ADGRV1: variants seen among roughly 807,000 people sequenced by gnomAD.
ADGRV1 encodes the protein adhesion G protein-coupled receptor V1.
ADGRV1 carries 359 observed loss-of-function variants against 596.2 expected under a neutral mutation model. The ratio of observed to expected loss-of-function variants is 0.60; its 90% CI spans 0.55 to 0.66. The LOEUF is 0.66. Among genes scored for constraint, ADGRV1 ranks in the 30% least tolerant of loss-of-function variants. The probability of loss-of-function intolerance (pLI) is 0.00; values close to 1 mark genes in which losing one functional copy is unlikely to be tolerated. For missense variants in ADGRV1, 7,274 were observed against 7,575.6 expected (o/e 0.96, Z 1.48); for synonymous variants, 2,681 against 2,679.2 (o/e 1.00, Z -0.02).
intron 78 of ADGRV1, among the ~76,000 whole-genome samples, chr5:90,847,904 C>T (rs2150385500): frequency 6.6e-6 from 1 of 152,308 alleles, no homozygotes; most frequent in East Asian, 1.9e-4. Context: ...AAAGGGGCTC[C>T]CACAGTGCAG....
At position 90,810,809 on chromosome 5, in the gene ADGRV1, T is replaced by C; in HGVS notation, c.15549T>C (p.Thr5183=). The part of the protein sequence containing the change: ...TNVVAIVTEA[T]GVSAIPEKLV... ...TGGTTGCCATTGTTACTGAGGCAAC[T>C]GGTGTATCTGCCATCCCTGAGAAAC... The change falls in exon 74 of 90, where the codon ACT becomes ACC. Residue 5183 remains threonine (T), a synonymous_variant. Transcript: ENST00000405460. 2 of 1,614,036 alleles carry C rather than the reference T, an allele frequency of 1.2e-6. No individual in the cohort carries two copies. The highest frequency in any genetic ancestry group is 2.2e-5 in the South Asian group (2 of 91,084).
intron 26 of ADGRV1, among the ~76,000 whole-genome samples, chr5:90,680,346 C>T (rs1027919342): frequency 2.7e-5 from 4 of 147,312 alleles, no homozygotes; most frequent in African/African-American, 1.0e-4. Context: ...CAGAGCAAGA[C>T]TCTGTATCAA....
At chr5:90,848,526 T>A (rs1766144020) in intron 78 of ADGRV1, 111 bp from the exon 79 acceptor site, 1 of 466,086 alleles carries the variant, frequency 2.1e-6, no homozygotes, top group South Asian at 9.3e-5. Flanking sequence ...AGGTTTATCC[T>A]TACTAATGTT....
rs1179018302 is a variant in ADGRV1 at position 90,960,148 on chromosome 5, A to AC, written c.17857-5267_17857-5266insC. Reference sequence around the variant, plus strand: ...ACCGAGACTCATCTCAAAAAAAAAAAAAAAACAAAAAACAGATCAGTGTAT... The same window carrying AC: ...ACCGAGACTCATCTCAAAAAAAAAAACAAAAACAAAAAACAGATCAGTGTAT... On this transcript the variant is annotated intron_variant, in intron 83 of 89. Transcript: ENST00000405460. 9.9e-3 allele frequency among the ~76,000 whole-genome samples: 1,380 copies of AC among 139,638 alleles called. 34 individuals are homozygous for AC. The highest frequency in any genetic ancestry group is 0.038 in the African/African-American group (1,332 of 34,816). 91.6% of individuals were successfully genotyped at this position (139,638 alleles called of 152,430 possible).
At chr5:90,704,926 T>C (rs189766270) in intron 36 of ADGRV1, among the ~76,000 whole-genome samples, 1 of 152,056 alleles carries the variant, frequency 6.6e-6, no homozygotes, top group African/African-American at 2.4e-5. Context: ...TTCTCCTGCC[T>C]CAGTCTTCCG....
intron 34 of ADGRV1, among the ~76,000 whole-genome samples, chr5:90,700,027 C>A (rs902797568): frequency 6.6e-6 from 1 of 152,012 alleles, no homozygotes; most frequent in Admixed American, 6.6e-5. Context: ...TTACTTTTTT[C>A]TCTTCATTCC....
chr5:90,823,367 C>CT, intron 75 of ADGRV1, 58 bp from the exon 76 acceptor site: 1 of 1,527,746 alleles, frequency 6.5e-7, no homozygotes, highest in Non-Finnish European at 9.0e-7. Context: ...ATAATAAACT[C>CT]TATTAGACAT....
At chr5:90,647,414 A>T in intron 16 of ADGRV1, 84 bp from the exon 17 acceptor site, 1 of 1,376,940 alleles carries the variant, frequency 7.3e-7, no homozygotes, top group Non-Finnish European at 9.9e-7. Context: ...TCTCTCTTGG[A>T]GGGCAGGGAG....
chr5:90,628,662 G>A lies in ADGRV1; in HGVS notation c.1339G>A (p.Ala447Thr). Reference sequence around the variant, plus strand: ...CAGCACTGATCCCTCACCAGTAACAGCAGATATCAGACCGAGCTCTGGAGT... The same window carrying A: ...CAGCACTGATCCCTCACCAGTAACAACAGATATCAGACCGAGCTCTGGAGT... ...RNSTDPSPVT[A>T]DIRPSSGVLH... The change falls in exon 8 of 90, where the codon GCA (alanine) becomes ACA (threonine). Residue 447 changes from alanine to threonine, a missense_variant. Physicochemically the swap from Ala to Thr is moderately conservative, Grantham distance 58. Around this residue, in one of 5 missense-constraint regions of ADGRV1, gnomAD observed 1,715 missense variants for 1,708.8 expected, o/e 1.00. Transcript: ENST00000405460. 6.2e-7 allele frequency: 1 copy of A among 1,614,006 alleles called. No individual in the cohort carries two copies. The highest frequency in any genetic ancestry group is 8.5e-7 in the Non-Finnish European group (1 of 1,179,872).
At chr5:90,619,051 T>C (rs1166145054) in intron 3 of ADGRV1, 35 bp from the exon 4 acceptor site, 2 of 986,942 alleles carry the variant, frequency 2.0e-6, no homozygotes, top group South Asian at 4.3e-5. Context: ...ATTTTATTTT[T>C]AATTCATTAT....
At chr5:90,683,469 C>T (rs957017650) in intron 27 of ADGRV1, 117 bp from the exon 28 acceptor site, 2 of 814,534 alleles carry the variant, frequency 2.5e-6, no homozygotes, top group South Asian at 2.0e-5. Context: ...GTCTTGTAGT[C>T]TGGAGAAGAA....
Position 90,676,225 on chromosome 5 carries a change from C to A in ADGRV1, c.5443+16C>A. On this transcript the variant is annotated intron_variant, in intron 25 of 89. Coordinates refer to ENST00000405460, the MANE Select transcript of ADGRV1 (RefSeq NM_032119.4). ...GAAGGAGGAGGTAAGGCTGGTGATTCAAAAATGTTAAATATTTGCTTGTCT... is the reference window on the plus strand; with the variant it reads ...GAAGGAGGAGGTAAGGCTGGTGATTAAAAAATGTTAAATATTTGCTTGTCT... 2 of 1,588,838 alleles carry A rather than the reference C, an allele frequency of 1.3e-6. No homozygotes were observed. Among genetic ancestry groups the A allele is most frequent in the South Asian group, 2.3e-5 (2 of 85,526 alleles).
At chr5:90,983,835 T>G (rs1334766784) in intron 84 of ADGRV1, among the ~76,000 whole-genome samples, 2 of 152,192 alleles carry the variant, frequency 1.3e-5, no homozygotes, top group African/African-American at 4.8e-5. Flanking sequence ...CCAAACATTT[T>G]TATCCTTCCC....
At chr5:91,020,355 C>T (rs1252030857) in intron 85 of ADGRV1, among the ~76,000 whole-genome samples, 1 of 151,932 alleles carries the variant, frequency 6.6e-6, no homozygotes, top group Non-Finnish European at 1.5e-5. Flanking sequence ...CAGCTGATCA[C>T]AGAAAAAAGA....
chr5:90,871,243 G>A (rs1581381920), intron 83 of ADGRV1, among the ~76,000 whole-genome samples: 1 of 151,998 alleles, frequency 6.6e-6, no homozygotes. Flanking sequence ...AGTGAAATTT[G>A]CATATTAAGG....
At chr5:90,897,559 T>G (rs1347050177) in intron 83 of ADGRV1, among the ~76,000 whole-genome samples, 1 of 152,104 alleles carries the variant, frequency 6.6e-6, no homozygotes, top group Non-Finnish European at 1.5e-5. Flanking sequence ...TCATTGATAA[T>G]CATATTTTCT....
intron 60 of ADGRV1, among the ~76,000 whole-genome samples, chr5:90,775,480 C>T (rs1030186789): frequency 6.6e-6 from 1 of 151,900 alleles, no homozygotes; most frequent in African/African-American, 2.4e-5. Flanking sequence ...TTTACCATAT[C>T]AAAAAAATTT....
chr5:90,773,926 G>A (rs1372439374), intron 59 of ADGRV1, among the ~76,000 whole-genome samples: 1 of 152,070 alleles, frequency 6.6e-6, no homozygotes, highest in Non-Finnish European at 1.5e-5. Context: ...TTAAAGATTG[G>A]ATTTTCAACG....
chr5:90,689,434 T>C (rs1051575156), intron 29 of ADGRV1, among the ~76,000 whole-genome samples: 1 of 150,714 alleles, frequency 6.6e-6, no homozygotes, highest in Non-Finnish European at 1.5e-5. Context: ...AGCTGTATCA[T>C]TGATGATGCT....
Sources: gnomAD v4.1 joint callset for allele counts (sites outside exome capture counted in the v4.1 genomes callset) on GRCh38, gnomAD v4.1.1 for gene constraint, gnomAD v4.1.1 regional missense constraint, MANE v1.5 for transcripts, NCBI Gene and HGNC (gene_info 2026-07-23, HGNC 2026-07-21) for gene names.